Variants in CAST observed in about 807,000 individuals in gnomAD.
CAST encodes the protein MIR583 host.
A neutral mutation model predicts 119.6 loss-of-function variants in CAST; 76 were observed. The ratio of observed to expected loss-of-function variants is 0.64; its 90% CI spans 0.53 to 0.77. The LOEUF (loss-of-function observed/expected upper bound fraction) is 0.77, where lower values mean the gene tolerates loss of function less well. Ranked by LOEUF, CAST falls within the 30% of genes least tolerant of loss-of-function variation. CAST has a pLI of 0.00. For missense variants in CAST, 953 were observed against 946.5 expected, an observed-to-expected ratio of 1.01 and a Z score of -0.09; for synonymous variants, 319 against 331.6, an observed-to-expected ratio of 0.96 and a Z score of 0.41.
At chr5:96,263,744 G>A in the CAST span, among the ~76,000 whole-genome samples, 1 of 152,142 alleles carries the variant, frequency 6.6e-6, no homozygotes, top group Non-Finnish European at 1.5e-5. Flanking sequence ...AATAAAAGAG[G>A]TTTAATTGAC....
At chr5:96,299,294 A>C in the CAST span, among the ~76,000 whole-genome samples, 3 of 139,194 alleles carry the variant, frequency 2.2e-5, no homozygotes, top group Admixed American at 6.9e-5. Flanking sequence ...ACAACAACAA[A>C]CAAACAAAAA....
chr5:96,697,085 T>A (rs1753388502), intron 3 of CAST, among the ~76,000 whole-genome samples: 1 of 151,738 alleles, frequency 6.6e-6, no homozygotes, highest in Non-Finnish European at 1.5e-5. Flanking sequence ...GGAGAATGGC[T>A]TGAACCCGGG....
the CAST span, among the ~76,000 whole-genome samples, chr5:96,460,565 C>T: frequency 7.0e-6 from 1 of 142,936 alleles, no homozygotes; most frequent in Non-Finnish European, 1.5e-5. Context: ...ATTCTAAGTA[C>T]AAAAAAAAAA....
chr5:96,297,349 T>C, the CAST span, among the ~76,000 whole-genome samples: 1,340 of 152,302 alleles, frequency 8.8e-3, 20 homozygotes, highest in South Asian at 0.039. Context: ...AGCAACCTAA[T>C]AGACAATTTC....
chr5:96,555,641 C>T (rs1189073742), intron 1 of CAST, among the ~76,000 whole-genome samples: 1 of 152,206 alleles, frequency 6.6e-6, no homozygotes, highest in East Asian at 1.9e-4. Flanking sequence ...GCATAGCAGT[C>T]TGAGATCTAA....
At chr5:96,410,712 C>A in the CAST span, 31 of 1,317,816 alleles carry the variant, frequency 2.4e-5, no homozygotes, top group Non-Finnish European at 3.4e-5. Context: ...TTAGGGGAAT[C>A]ATTTCACATG....
the CAST span, among the ~76,000 whole-genome samples, chr5:95,974,572 C>G: frequency 6.6e-6 from 1 of 152,230 alleles, no homozygotes; most frequent in South Asian, 2.1e-4. Flanking sequence ...AAAGGCAAAA[C>G]ATTTCCAGCC....
chr5:96,131,675 G>A, the CAST span, among the ~76,000 whole-genome samples: 4 of 152,100 alleles, frequency 2.6e-5, no homozygotes, highest in African/African-American at 7.2e-5. Flanking sequence ...TTTTATCAGC[G>A]ACCTACATGA....
chr5:96,704,940 A>G (rs1391902403), intron 3 of CAST, among the ~76,000 whole-genome samples: 1 of 152,214 alleles, frequency 6.6e-6, no homozygotes, highest in East Asian at 1.9e-4. Context: ...CTCGCACTGA[A>G]TGTCAGAGCG....
At chr5:96,079,095 A>G in the CAST span, 1 of 468,550 alleles carries the variant, frequency 2.1e-6, no homozygotes, top group Non-Finnish European at 4.4e-6. Context: ...AAGTTAAAAA[A>G]AAACCTATTT....
At chr5:96,201,277 G>A in the CAST span, among the ~76,000 whole-genome samples, 7 of 152,188 alleles carry the variant, frequency 4.6e-5, no homozygotes, top group Admixed American at 4.6e-4. Flanking sequence ...TGTGTTTGGT[G>A]CTAGTGCAGG....
chr5:96,431,713 G>A, the CAST span, among the ~76,000 whole-genome samples: 1 of 152,072 alleles, frequency 6.6e-6, no homozygotes, highest in African/African-American at 2.4e-5. Flanking sequence ...GCAAGAGCAG[G>A]CGAATTCCCC....
chr5:96,432,731 G>A, the CAST span: 1 of 718,760 alleles, frequency 1.4e-6, no homozygotes, highest in Admixed American at 2.4e-5. Context: ...GGCGAGGGCT[G>A]GAGCAGCTCC....
the CAST span, among the ~76,000 whole-genome samples, chr5:96,479,460 T>C: frequency 7.2e-6 from 1 of 138,260 alleles, no homozygotes; most frequent in Admixed American, 7.0e-5. Flanking sequence ...CTTATTTTTT[T>C]TTTTTTTTGA....
the CAST span, among the ~76,000 whole-genome samples, chr5:96,448,135 G>A: frequency 1.3e-5 from 2 of 152,178 alleles, no homozygotes; most frequent in East Asian, 1.9e-4. Context: ...ACAAAGAAAG[G>A]CATTTTGAAA....
At chr5:96,433,758 G>A in the CAST span, among the ~76,000 whole-genome samples, 1 of 152,118 alleles carries the variant, frequency 6.6e-6, no homozygotes, top group Non-Finnish European at 1.5e-5. Flanking sequence ...TAAATTGTCT[G>A]AGAAAATTAG....
chr5:96,507,786 A>G, the CAST span, among the ~76,000 whole-genome samples: 4 of 152,146 alleles, frequency 2.6e-5, no homozygotes, highest in African/African-American at 9.7e-5. Flanking sequence ...CACACATAGC[A>G]AAGAAACACT....
At chr5:95,982,119 A>G in the CAST span, among the ~76,000 whole-genome samples, 3,990 of 151,868 alleles carry the variant, frequency 0.026, 173 homozygotes, top group African/African-American at 0.091. Flanking sequence ...TAAAATATAA[A>G]ATAAGCATTT....
chr5:96,562,043 C>G (rs183856574), intron 1 of CAST, among the ~76,000 whole-genome samples: 1 of 151,188 alleles, frequency 6.6e-6, no homozygotes, highest in African/African-American at 2.4e-5. Flanking sequence ...CCGCCCGCCT[C>G]GGCCTCCCAA....
Sources: allele counts gnomAD v4.1 joint callset (sites outside exome capture counted in the v4.1 genomes callset), GRCh38; gene constraint gnomAD v4.1.1; transcripts MANE v1.5; gene names NCBI Gene and HGNC (gene_info 2026-07-23, HGNC 2026-07-21).